CDT1: variants seen among roughly 807,000 people sequenced by gnomAD.
CDT1 encodes the protein DNA replication factor Cdt1.
Under a neutral mutation model 49.3 loss-of-function variants are expected in CDT1, and 66 were observed. The ratio of observed to expected loss-of-function variants is 1.34; its 90% CI spans 1.10 to 1.64. CDT1 has a LOEUF of 1.64. Ranked by LOEUF, CDT1 falls within the 40% of genes most tolerant of loss-of-function variation. CDT1 has a pLI of 0.00. For synonymous variants in CDT1, 424 were observed against 347.4 expected (o/e 1.22, Z -2.45); for missense variants, 958 against 807.7 (o/e 1.19, Z -2.26).
chr16:88,807,296 G>A lies in CDT1; in HGVS notation c.1291G>A (p.Ala431Thr), dbSNP rs146214741. ...CCTGCTGCAGATCCGAGCCAAGGAG[G>A]CACAGAAGCAGCTGGCACAGATGAC... ...DLLERIRAKE[A>T]QKQLAQMTRC... is the part of the protein sequence containing the mutation. Residue 431 changes from alanine (A) to threonine (T), a missense_variant, in exon 9 of 10, where the codon GCA (alanine) becomes ACA (threonine). Transcript: ENST00000301019. 5.0e-5 allele frequency: 81 copies of A among 1,612,270 alleles called. No homozygotes were observed. The African/African-American group carries it at 9.3e-4, about 19-fold the overall frequency.
chr16:88,807,247 C>T (rs1455274258), intron 8 of CDT1, 34 bp from the exon 9 acceptor site: 8 of 1,611,122 alleles, frequency 5.0e-6, no homozygotes, highest in Middle Eastern at 3.3e-4. Context: ...TGGTGACCTG[C>T]TGCCCACTAA....
Position 88,804,544 on chromosome 16 carries a change from G to C in CDT1, c.229-1G>C. 2 of 1,612,036 alleles carry C rather than the reference G, an allele frequency of 1.2e-6. No homozygotes were observed. Among genetic ancestry groups the C allele is most frequent in the Non-Finnish European group, 1.7e-6 (2 of 1,179,354 alleles). On this transcript the variant is annotated splice_acceptor_variant, in intron 1 of 9. Coordinates refer to ENST00000301019, the MANE Select transcript of CDT1 (RefSeq NM_030928.4). LOFTEE classifies it high-confidence loss of function. The stretch of plus-strand genomic sequence containing the variant: ...TTCACCCTTGGGGTCCCTCCCACCA[G>C]GTTTCCAGCCCCAGTACCCCCGAGG...
At chr16:88,807,989 C>T in intron 9 of CDT1, 126 bp from the exon 10 acceptor site, 2 of 1,037,094 alleles carry the variant, frequency 1.9e-6, no homozygotes, top group South Asian at 1.4e-5. Context: ...TGCCCTAAGT[C>T]CTGGTGATGG....
Position 88,807,071 on chromosome 16 carries a change from A to T in CDT1, c.1143A>T (p.Gln381His). Residue 381 changes from glutamine (Q) to histidine (H), a missense_variant, in exon 8 of 10, where the codon CAA becomes CAT. Gln to His is a conservative substitution (Grantham distance 24, BLOSUM62 0). Transcript: ENST00000301019. ...CGCAGATGGAGAAGGCCTTGAGTCA[A>T]TTGGCCCTGCGCTCTGCTGCGCCCA... ...ISPRMEKALSQLALRSAAPSS... is the reference protein window; with the variant it reads ...ISPRMEKALSHLALRSAAPSS... 2 of 1,612,888 alleles carry T rather than the reference A, an allele frequency of 1.2e-6. No individual in the cohort carries two copies. Among genetic ancestry groups the T allele is most frequent in the Middle Eastern group, 1.7e-4 (1 of 6,060 alleles).
chr16:88,805,551 G>A lies in CDT1; in HGVS notation c.600G>A (p.Met200Ile). The change falls in exon 4 of 10, where the codon ATG becomes ATA. Residue 200 changes from methionine (M) to isoleucine (I), a missense_variant. Met to Ile is a conservative substitution (Grantham distance 10). Coordinates refer to ENST00000301019, the MANE Select transcript of CDT1 (RefSeq NM_030928.4). The stretch of plus-strand genomic sequence containing the variant: ...TGCTGGCGGAGATGTTCCGCAGCAT[G>A]GACACCATCGTGGGCATGCTCCACA... ...YQVLAEMFRS[M>I]DTIVGMLHNR... 6.2e-7 allele frequency: 1 copy of A among 1,612,900 alleles called. No homozygotes were observed. The highest frequency in any genetic ancestry group is 1.3e-5 in the African/African-American group (1 of 75,062).
chr16:88,804,812 G>A lies in CDT1; in HGVS notation c.402G>A (p.Gly134=). The change falls in exon 3 of 10, where the codon GGG becomes GGA. Residue 134 remains glycine (G), a synonymous_variant. Coordinates refer to ENST00000301019, the MANE Select transcript of CDT1 (RefSeq NM_030928.4). ...GCCTGCAACGGGCCCGGGAGCTGGG[G>A]GCAAGAGTCCGGGCGCTGAAGGCCA... is the stretch of plus-strand genomic sequence containing the variant. The part of the protein sequence containing the change: ...ASCLQRAREL[G]ARVRALKASA... 2 of 1,612,692 alleles carry A rather than the reference G, an allele frequency of 1.2e-6. No individual in the cohort carries two copies. The highest frequency in any genetic ancestry group is 1.7e-6 in the Non-Finnish European group (2 of 1,179,860).
rs2142940796 is a variant in CDT1, at chr16:88,803,916, A to C, written c.85A>C (p.Thr29Pro). ...RIAPPKLACR[T>P]PSPARPALRA... ...CGCGCCGCCCAAGCTGGCCTGCCGC[A>C]CCCCCAGCCCCGCCAGGCCCGCACT... Residue 29 changes from threonine (T) to proline (P), a missense_variant, in exon 1 of 10, where the codon ACC becomes CCC. Thr to Pro is a conservative substitution (Grantham distance 38). Coordinates refer to ENST00000301019, the MANE Select transcript of CDT1 (RefSeq NM_030928.4). The C allele has an allele frequency of 1.5e-6, 2 of 1,374,428 alleles. No individual in the cohort carries two copies. The highest frequency in any genetic ancestry group is 1.9e-6 in the Non-Finnish European group (2 of 1,060,734). 85.1% of individuals were successfully genotyped at this position (1,374,428 alleles called of 1,614,324 possible). A position where few individuals can be genotyped will look rare whatever the true frequency, so the allele number is the denominator to read the frequency against.
chr16:88,806,315 G>C (rs548035539), intron 6 of CDT1, 171 bp from the exon 7 acceptor site: 1 of 997,744 alleles, frequency 1.0e-6, no homozygotes, highest in African/African-American at 1.6e-5. Context: ...GGCGTTCAGC[G>C]AGCGCGGACC....
In CDT1 at chr16:88,803,798, T is replaced by C; in HGVS notation, c.-34T>C. 1 of 1,486,760 alleles carries C rather than the reference T, an allele frequency of 6.7e-7. No individual in the cohort carries two copies. The allele number at this position is 1,486,760 out of a possible 1,614,324, so 92.1% of individuals were successfully genotyped here. A position where few individuals can be genotyped will look rare whatever the true frequency, so the allele number is the denominator to read the frequency against. On this transcript the variant is annotated 5_prime_UTR_variant, in exon 1 of 10. Coordinates refer to ENST00000301019, the MANE Select transcript of CDT1 (RefSeq NM_030928.4). ...CCGCGCCCGCCTCTTCCTCCCTTCC[T>C]TCTTTCCTTGCTTTCGCCGCGCACT...
rs781095684 is a variant in CDT1, at chr16:88,807,136, C to A, written c.1208C>A (p.Pro403Gln). 1.9e-6 allele frequency: 3 copies of A among 1,612,424 alleles called. No homozygotes were observed. In the African/African-American group the frequency reaches 4.0e-5, roughly 22 times the overall value. Residue 403 changes from proline to glutamine, a missense_variant, in exon 8 of 10, where the codon CCA (proline) becomes CAA (glutamine). Transcript: ENST00000301019. Reference sequence around the variant, plus strand: ...CCCAGGCCAGCACTGCCGGCTACCCCACCAGCCACCCCGCCTGCAGCCTCT... The same window carrying A: ...CCCAGGCCAGCACTGCCGGCTACCCAACCAGCCACCCCGCCTGCAGCCTCT... ...GSPRPALPAT[P>Q]PATPPAASPS...
rs148697264 is a variant in CDT1 at position 88,807,846 on chromosome 16, T to C, written c.1478-269T>C. Among the ~76,000 whole-genome samples the C allele has an allele frequency of 5.3e-3, 814 of 152,308 alleles. 7 individuals carry two copies. Among genetic ancestry groups the C allele is most frequent in the African/African-American group, 0.019 (774 of 41,556 alleles). Reference sequence around the variant, plus strand: ...AGGGGTCCTGACGCTACAGGGCACCTCCTGCCTCAGGGCTTTCATGGGCTG... The same window carrying C: ...AGGGGTCCTGACGCTACAGGGCACCCCCTGCCTCAGGGCTTTCATGGGCTG... On this transcript the variant is annotated intron_variant, in intron 9 of 9. Transcript: ENST00000301019.
At chr16:88,807,728 T>C (rs1908921713) in intron 9 of CDT1, among the ~76,000 whole-genome samples, 1 of 152,168 alleles carries the variant, frequency 6.6e-6, no homozygotes, top group South Asian at 2.1e-4. Flanking sequence ...GCTCTGGCCC[T>C]TTCCCTGACC....
At chr16:88,807,997 T>G in intron 9 of CDT1, 118 bp from the exon 10 acceptor site, 1 of 1,123,422 alleles carries the variant, frequency 8.9e-7, no homozygotes, top group South Asian at 1.3e-5. Context: ...GTCCTGGTGA[T>G]GGGGCCCTGA....
chr16:88,808,186 A>C lies in CDT1; in HGVS notation c.1549A>C (p.Thr517Pro), dbSNP rs1219971869. The C allele has an allele frequency of 6.2e-7, 1 of 1,612,814 alleles. No homozygotes were observed. Among genetic ancestry groups the C allele is most frequent in the African/African-American group, 1.3e-5 (1 of 75,064 alleles). Residue 517 changes from threonine (T) to proline (P), a missense_variant, in exon 10 of 10, where the codon ACC (threonine) becomes CCC (proline). Coordinates refer to ENST00000301019, the MANE Select transcript of CDT1 (RefSeq NM_030928.4). ...PDWLSLHRIR[T>P]DTYVKLDKAA... ...CTGGCTCAGCCTCCACCGCATCCGC[A>C]CCGACACCTACGTCAAGCTGGACAA... is the stretch of plus-strand genomic sequence containing the variant.
At position 88,805,618 on chromosome 16, in the gene CDT1, G is replaced by A. The variant is rs373340835; in HGVS notation, c.667G>A (p.Val223Ile). The A allele has an allele frequency of 6.2e-6, 10 of 1,612,616 alleles. No homozygotes were observed. In the Admixed American group the frequency reaches 8.3e-5, roughly 13 times the overall value. The change falls in exon 4 of 10, where the codon GTC becomes ATC. Residue 223 changes from valine (V) to isoleucine (I), a missense_variant. Physicochemically the swap from Val to Ile is conservative, Grantham distance 29. Transcript: ENST00000301019. ...CACCTTTGCCAAGGTCCAGCGGGGC[G>A]TCCAGGACATGATGCGTAGGTGAGT... ...TPTFAKVQRGVQDMMRRRFEE... is the reference protein window; with the variant it reads ...TPTFAKVQRGIQDMMRRRFEE...
At position 88,808,210 on chromosome 16, in the gene CDT1, A is replaced by G. The variant is rs771401327; in HGVS notation, c.1573A>G (p.Lys525Glu). 1.9e-6 allele frequency: 3 copies of G among 1,612,038 alleles called. No individual in the cohort carries two copies. In the South Asian group the frequency reaches 3.3e-5, roughly 18 times the overall value. Residue 525 changes from lysine (K) to glutamate (E), a missense_variant, in exon 10 of 10, where the codon AAG (lysine) becomes GAG (glutamate). Physicochemically the swap from Lys to Glu is moderately conservative, Grantham distance 56. Transcript: ENST00000301019. ...CACCGACACCTACGTCAAGCTGGAC[A>G]AGGCCGCGGACCTCGCCCACATCAC... Reference protein sequence around the residue: ...IRTDTYVKLDKAADLAHITAR... With the variant: ...IRTDTYVKLDEAADLAHITAR...
chr16:88,806,947 G>C (rs1246816975), intron 7 of CDT1, 104 bp from the exon 8 acceptor site: 1 of 1,441,234 alleles, frequency 6.9e-7, no homozygotes, highest in East Asian at 2.3e-5. Flanking sequence ...CACCCAGTGT[G>C]CTGGGTGAAC....
At position 88,807,347 on chromosome 16, in the gene CDT1, C is replaced by T. The variant is rs1306141377; in HGVS notation, c.1342C>T (p.Leu448=). The T allele has an allele frequency of 6.2e-7, 1 of 1,612,552 alleles. No individual in the cohort carries two copies. Among genetic ancestry groups the T allele is most frequent in the Non-Finnish European group, 8.5e-7 (1 of 1,179,946 alleles). Residue 448 remains leucine (L), a synonymous_variant, in exon 9 of 10, where the codon CTG becomes TTG. Transcript: ENST00000301019. ...MTRCPEQEQR[L]QRLERLPELA... ...GCGGTGCCCGGAGCAGGAGCAGCGG[C>T]TGCAGCGCTTAGAACGGCTGCCTGA...
At position 88,804,057 on chromosome 16, in the gene CDT1, G is replaced by T. The variant is rs983826606; in HGVS notation, c.226G>T (p.Glu76Ter). The T allele has an allele frequency of 1.4e-6, 2 of 1,444,554 alleles. No individual in the cohort carries two copies. Among genetic ancestry groups the T allele is most frequent in the Non-Finnish European group, 1.8e-6 (2 of 1,105,542 alleles). The allele number at this position is 1,444,554 out of a possible 1,614,324, so 89.5% of individuals were successfully genotyped here. The change falls in exon 1 of 10, where the codon GAG becomes TAG. Residue 76 changes from glutamate to a stop codon, truncating the protein, a stop_gained and splice_region_variant. Transcript: ENST00000301019. LOFTEE classifies it high-confidence loss of function. ...ARRRLRLSVD[E>*]VSSPSTPEAP... The stretch of plus-strand genomic sequence containing the variant: ...CAGGAGACTGCGGCTGTCGGTGGAC[G>T]AGGTGAGGGGCGTGGGGAGACTGAG...
Sources: gnomAD v4.1 joint callset for allele counts (sites outside exome capture counted in the v4.1 genomes callset) on GRCh38, gnomAD v4.1.1 for gene constraint, MANE v1.5 for transcripts, NCBI Gene and HGNC (gene_info 2026-07-23, HGNC 2026-07-21) for gene names.